DDX11: variants seen among roughly 807,000 people sequenced by gnomAD.
DDX11 encodes the protein ATP-dependent DNA helicase DDX11.
DDX11 carries 72 observed loss-of-function variants against 125.2 expected under a neutral mutation model. That is an observed-to-expected ratio of 0.58 (90% CI 0.48 to 0.70). The LOEUF is 0.70. Among genes scored for constraint, DDX11 ranks in the 30% least tolerant of loss-of-function variants. The pLI, the probability that DDX11 is intolerant of heterozygous loss-of-function variation, is 0.00. For synonymous variants in DDX11, 347 were observed against 452.6 expected, an observed-to-expected ratio of 0.77 and a Z score of 2.96; for missense variants, 883 against 1,165.0, an observed-to-expected ratio of 0.76 and a Z score of 3.52.
chr12:31,088,930 T>C, intron 6 of DDX11, 114 bp from the exon 7 acceptor site: 1 of 839,052 alleles, frequency 1.2e-6, no homozygotes, highest in South Asian at 1.4e-5. Context: ...GCTTTGTGCA[T>C]TGGGAGCCAC....
intron 18 of DDX11, among the ~76,000 whole-genome samples, chr12:31,099,080 C>CTTTTTG (rs1467965765): frequency 1.2e-5 from 1 of 81,328 alleles, no homozygotes; most frequent in African/African-American, 6.3e-5. Flanking sequence ...TTCTTTCTTT[C>CTTTTTG]TTTCTTTTTT....
At chr12:31,093,429 G>T (rs1482971955) in intron 12 of DDX11, 105 bp downstream of exon 12, 1 of 1,496,236 alleles carries the variant, frequency 6.7e-7, no homozygotes. Context: ...TTTTTAAGAA[G>T]GGTCGGCCGG....
chr12:31,079,056 G>T (rs1941321043), intron 2 of DDX11, among the ~76,000 whole-genome samples: 1 of 152,166 alleles, frequency 6.6e-6, no homozygotes. Flanking sequence ...ACCTATTACG[G>T]TAGATGAGAC....
In DDX11 at chr12:31,086,470, G is replaced by A. The variant is rs530506002; in HGVS notation, c.638+1344G>A. Among the ~76,000 whole-genome samples the A allele has an allele frequency of 2.3e-3, 353 of 151,386 alleles. 1 individual carries two copies. Among genetic ancestry groups the A allele is most frequent in the Non-Finnish European group, 3.7e-3 (251 of 67,726 alleles). ...ATTCCAGGCTGCGCATGTGAACTTCGACTTCTGCCCCTGCCCAGGGCAGAG... is the reference window on the plus strand; with the variant it reads ...ATTCCAGGCTGCGCATGTGAACTTCAACTTCTGCCCCTGCCCAGGGCAGAG... On this transcript the variant is annotated intron_variant, in intron 5 of 26. Transcript: ENST00000542838.
At chr12:31,102,590 C>T (rs1181088914) in intron 23 of DDX11, 63 bp downstream of exon 23, 12 of 1,487,708 alleles carry the variant, frequency 8.1e-6, no homozygotes, top group Non-Finnish European at 1.1e-5. Context: ...CTCCCAGCAG[C>T]TGGGCCCCTG....
At chr12:31,083,343 C>T (rs1942398052) in intron 2 of DDX11, among the ~76,000 whole-genome samples, 3 of 151,002 alleles carry the variant, frequency 2.0e-5, no homozygotes, top group Admixed American at 2.0e-4. Context: ...AAACACAAAC[C>T]GTAAGCACTG....
intron 5 of DDX11, among the ~76,000 whole-genome samples, chr12:31,085,409 G>C (rs1942938360): frequency 6.6e-6 from 1 of 152,252 alleles, no homozygotes; most frequent in Non-Finnish European, 1.5e-5. Context: ...GCCCCACAAG[G>C]AGAGACTCCT....
chr12:31,089,516 C>T (rs376606147), intron 8 of DDX11, 26 bp downstream of exon 8: 199 of 1,601,222 alleles, frequency 1.2e-4, no homozygotes, highest in East Asian at 2.2e-4. Context: ...ATGGTGTAGC[C>T]GCAGGTGGTC....
chr12:31,079,225 T>C (rs1372194995), intron 2 of DDX11, among the ~76,000 whole-genome samples: 2 of 151,910 alleles, frequency 1.3e-5, no homozygotes, highest in Non-Finnish European at 2.9e-5. Context: ...TAGTTAATAA[T>C]TGCCCTTTTA....
intron 5 of DDX11, among the ~76,000 whole-genome samples, 179 bp downstream of exon 5, chr12:31,085,305 C>T (rs1305840737): frequency 3.3e-4 from 51 of 152,252 alleles, no homozygotes; most frequent in Non-Finnish European, 1.0e-4. Flanking sequence ...TGAGGACAGT[C>T]ACCGGCCTGG....
In DDX11 at chr12:31,081,386, A is replaced by G. The variant is rs534723769; in HGVS notation, c.145-2427A>G. 8.8e-4 allele frequency among the ~76,000 whole-genome samples: 134 copies of G among 152,312 alleles called. 1 individual carries two copies. Among genetic ancestry groups the G allele is most frequent in the African/African-American group, 3.1e-3 (130 of 41,568 alleles). ...CCATGCCCTTCCCCGCCGTGGATGC[A>G]CAGGTGCCCCACCTTAGCTGCCCCA... is the stretch of plus-strand genomic sequence containing the variant. On this transcript the variant is annotated intron_variant, in intron 2 of 26. Transcript: ENST00000542838.
intron 1 of DDX11, chr12:31,074,318 C>A (rs1235043002): frequency 1.3e-5 from 2 of 152,206 alleles, no homozygotes; most frequent in Non-Finnish European, 2.9e-5. Flanking sequence ...GTAGATAAGA[C>A]ACTGCAACAG....
rs1942051408 is a variant in DDX11 at position 31,082,061 on chromosome 12, T to A, written c.145-1752T>A. 1.7e-5 allele frequency among the ~76,000 whole-genome samples: 2 copies of A among 114,484 alleles called. 1 individual carries two copies. The highest frequency in any genetic ancestry group is 3.5e-5 in the Non-Finnish European group (2 of 57,542). The allele number at this position is 114,484 out of a possible 152,430, so 75.1% of individuals were successfully genotyped here. A position where few individuals can be genotyped will look rare whatever the true frequency, so the allele number is the denominator to read the frequency against. On this transcript the variant is annotated intron_variant, in intron 2 of 26. Coordinates refer to ENST00000542838, the MANE Select transcript of DDX11 (RefSeq NM_030653.4). ...GCCTGGAACTCTTTGCCATTTACTT[T>A]CTATCAAAAGCTGAGGGAAATGGTA...
In DDX11 at chr12:31,091,774, G is replaced by A. The variant is rs1456990181; in HGVS notation, c.1145G>A (p.Gly382Asp). Reference sequence around the variant, plus strand: ...CATGCGGCCACTCGGCAGGCCGCGGGCATCCGGCTGCAGGACCAGGTGGTG... The same window carrying A: ...CATGCGGCCACTCGGCAGGCCGCGGACATCCGGCTGCAGGACCAGGTGGTG... ...LLHAATRQAA[G>D]IRLQDQVVII... The change falls in exon 10 of 27, where the codon GGC becomes GAC. Residue 382 changes from glycine to aspartate, a missense_variant. Physicochemically the swap from Gly to Asp is moderately conservative, Grantham distance 94 (BLOSUM62 -1). Transcript: ENST00000542838. 6.2e-7 allele frequency: 1 copy of A among 1,613,684 alleles called. No homozygotes were observed. The highest frequency in any genetic ancestry group is 1.3e-5 in the African/African-American group (1 of 74,942).
At chr12:31,085,954 A>G in intron 5 of DDX11, 1 of 448,952 alleles carries the variant, frequency 2.2e-6, no homozygotes, top group African/African-American at 2.0e-5. Context: ...GTCGGAGGGT[A>G]ACTGCAAGAC....
chr12:31,102,003 C>T lies in DDX11; in HGVS notation c.2202+21C>T, dbSNP rs561691031. 6.8e-6 allele frequency: 11 copies of T among 1,607,560 alleles called. No homozygotes were observed. The African/African-American group carries it at 1.3e-4, about 20-fold the overall frequency. On this transcript the variant is annotated intron_variant, in intron 21 of 26. Coordinates refer to ENST00000542838, the MANE Select transcript of DDX11 (RefSeq NM_030653.4). Reference sequence around the variant, plus strand: ...AGAAGGTGAGTGGCCTGTCGGCAGCCTTCCCACTTGTGAGGACAGTGCCAC... The same window carrying T: ...AGAAGGTGAGTGGCCTGTCGGCAGCTTTCCCACTTGTGAGGACAGTGCCAC...
At chr12:31,080,498 G>A (rs994430315) in intron 2 of DDX11, among the ~76,000 whole-genome samples, 4 of 152,098 alleles carry the variant, frequency 2.6e-5, no homozygotes, top group Non-Finnish European at 5.9e-5. Context: ...ATTTCAACCC[G>A]TCCCTTTGTT....
rs1198675302 is a variant in DDX11 at position 31,083,326 on chromosome 12, C to CA, written c.145-483dup. On this transcript the variant is annotated intron_variant, in intron 2 of 26. Coordinates refer to ENST00000542838, the MANE Select transcript of DDX11 (RefSeq NM_030653.4). The stretch of plus-strand genomic sequence containing the variant: ...ATTAGTTTGCTTAAAAAAAAAAAAA[C>CA]AAAACAAAACACAAACCGTAAGCAC... Among the ~76,000 whole-genome samples, 20 of 135,626 alleles carry CA rather than the reference C, an allele frequency of 1.5e-4. No individual in the cohort carries two copies. The East Asian group carries it at 4.0e-3, about 27-fold the overall frequency. 89.0% of individuals were successfully genotyped at this position (135,626 alleles called of 152,430 possible).
rs561350297 is a variant in DDX11, at chr12:31,103,484, A to G, written c.2536+89A>G. 53 of 1,606,328 alleles carry G rather than the reference A, an allele frequency of 3.3e-5. No individual in the cohort carries two copies. The South Asian group carries it at 4.4e-4, about 13-fold the overall frequency. On this transcript the variant is annotated intron_variant, in intron 25 of 26. Transcript: ENST00000542838. The stretch of plus-strand genomic sequence containing the variant: ...AGGGGTTGCCTGCCCTGTTTCCTAT[A>G]TAAGTCTGAGGAAGGGGAGGGGGTC...
Sources: gnomAD v4.1 joint callset for allele counts (sites outside exome capture counted in the v4.1 genomes callset) on GRCh38, gnomAD v4.1.1 for gene constraint, MANE v1.5 for transcripts, NCBI Gene and HGNC (gene_info 2026-07-23, HGNC 2026-07-21) for gene names.